CWF19L2: variants seen among roughly 807,000 people sequenced by gnomAD.
The protein encoded by CWF19L2 is CWF19 like cell cycle control factor 2.
CWF19L2 carries 98 observed loss-of-function variants against 111.7 expected under a neutral mutation model. That is an observed-to-expected ratio of 0.88 (90% CI 0.75 to 1.04). CWF19L2 has a LOEUF of 1.04. Among genes scored for constraint, CWF19L2 ranks in the 50% least tolerant of loss-of-function variants. The probability of loss-of-function intolerance (pLI) is 0.00; values close to 1 mark genes in which losing one functional copy is unlikely to be tolerated. For missense variants in CWF19L2, 1,101 were observed against 1,051.4 expected (o/e 1.05, Z -0.65); for synonymous variants, 351 against 342.9 (o/e 1.02, Z -0.26).
intron 12 of CWF19L2, among the ~76,000 whole-genome samples, chr11:107,362,236 A>T (rs1860360340): frequency 6.6e-6 from 1 of 151,992 alleles, no homozygotes; most frequent in Non-Finnish European, 1.5e-5. Flanking sequence ...GGCGGCAGCG[A>T]GGCAGGGGGA....
intron 1 of CWF19L2, 107 bp downstream of exon 1, chr11:107,457,605 T>G: frequency 2.7e-6 from 2 of 753,326 alleles, no homozygotes; most frequent in Non-Finnish European, 4.4e-6. Flanking sequence ...CAAATTAAGG[T>G]GAGATTCAGT....
chr11:107,421,694 G>C (rs80135531), intron 8 of CWF19L2, among the ~76,000 whole-genome samples: 1 of 152,062 alleles, frequency 6.6e-6, no homozygotes, highest in Admixed American at 6.6e-5. Flanking sequence ...AAATTTACAA[G>C]ACTGACCATT....
intron 3 of CWF19L2, among the ~76,000 whole-genome samples, chr11:107,451,574 T>C (rs759512526): frequency 2.0e-5 from 3 of 151,614 alleles, no homozygotes; most frequent in Non-Finnish European, 4.4e-5. Flanking sequence ...AAACAGAAAA[T>C]AGAAATTACC....
chr11:107,423,246 T>C (rs140139027), intron 8 of CWF19L2, among the ~76,000 whole-genome samples: 8 of 152,136 alleles, frequency 5.3e-5, no homozygotes, highest in Non-Finnish European at 1.0e-4. Context: ...CATATCTCTC[T>C]TTTACTTACT....
At chr11:107,411,521 A>G (rs577752827) in intron 10 of CWF19L2, among the ~76,000 whole-genome samples, 15 of 152,294 alleles carry the variant, frequency 9.8e-5, no homozygotes, top group East Asian at 9.6e-4. Context: ...TACAAAACTA[A>G]TAACAGCTTA....
Position 107,428,817 on chromosome 11 carries a change from G to A in CWF19L2, c.1415C>T (p.Thr472Ile). Residue 472 changes from threonine (T) to isoleucine (I), a missense_variant, in exon 8 of 18, where the codon ACA becomes ATA. Transcript: ENST00000282251. ...AAAATACCCAGCAAATGTAGACTTT[G>A]TATCCCGTAGATGTTCTTTTTTTGG... ...DPPKKEHLRDTKSTFAGSPER... is the reference protein window; with the variant it reads ...DPPKKEHLRDIKSTFAGSPER... 1 of 1,608,092 alleles carries A rather than the reference G, an allele frequency of 6.2e-7. No homozygotes were observed.
chr11:107,332,471 G>C (rs1008047111), intron 16 of CWF19L2, among the ~76,000 whole-genome samples: 1 of 149,146 alleles, frequency 6.7e-6, no homozygotes, highest in Non-Finnish European at 1.5e-5. Flanking sequence ...ATACAGCAAA[G>C]AAAAACATAA....
intron 10 of CWF19L2, among the ~76,000 whole-genome samples, chr11:107,408,166 A>T (rs1861107588): frequency 6.6e-6 from 1 of 152,032 alleles, no homozygotes; most frequent in South Asian, 2.1e-4. Flanking sequence ...CCTTTGAAGG[A>T]CCGTCAAAGG....
chr11:107,333,421 A>C (rs1043464253), intron 16 of CWF19L2, among the ~76,000 whole-genome samples: 2 of 152,180 alleles, frequency 1.3e-5, no homozygotes, highest in Non-Finnish European at 2.9e-5. Flanking sequence ...GGGACTAATA[A>C]ATCAAATTTT....
intron 10 of CWF19L2, among the ~76,000 whole-genome samples, chr11:107,406,568 C>A (rs1861080649): frequency 1.3e-5 from 2 of 152,132 alleles, no homozygotes; most frequent in African/African-American, 4.8e-5. Flanking sequence ...AAGGAGACAT[C>A]TTTTTCTAAC....
chr11:107,329,099 T>C (rs2134516122), intron 17 of CWF19L2, among the ~76,000 whole-genome samples: 1 of 152,254 alleles, frequency 6.6e-6, no homozygotes, highest in South Asian at 2.1e-4. Flanking sequence ...GCCCCTCTTT[T>C]TCAGAGGGCC....
chr11:107,354,188 C>G (rs183158164), intron 12 of CWF19L2, among the ~76,000 whole-genome samples: 2 of 151,508 alleles, frequency 1.3e-5, no homozygotes, highest in East Asian at 1.9e-4. Context: ...TTTCAAAATA[C>G]AAAAACACAA....
At chr11:107,441,465 T>C in intron 5 of CWF19L2, 38 bp downstream of exon 5, 2 of 1,463,474 alleles carry the variant, frequency 1.4e-6, no homozygotes, top group Non-Finnish European at 1.8e-6. Flanking sequence ...TTATTAAAGG[T>C]AAATTAGAAA....
At chr11:107,439,056 A>AAAAAT in intron 6 of CWF19L2, 34 bp downstream of exon 6, 1 of 978,980 alleles carries the variant, frequency 1.0e-6, no homozygotes. Flanking sequence ...AAAAAAAAAA[A>AAAAAT]CCCTGTGTGT....
At chr11:107,394,410 C>A (rs985304704) in intron 10 of CWF19L2, among the ~76,000 whole-genome samples, 2 of 152,140 alleles carry the variant, frequency 1.3e-5, no homozygotes, top group African/African-American at 4.8e-5. Context: ...TAAAGCTGGT[C>A]TCCCTAAGGA....
chr11:107,350,150 A>G (rs1860136695), intron 13 of CWF19L2, among the ~76,000 whole-genome samples: 2 of 152,188 alleles, frequency 1.3e-5, no homozygotes, highest in African/African-American at 4.8e-5. Flanking sequence ...AACACACAAA[A>G]AAGCAATACT....
intron 6 of CWF19L2, 97 bp from the exon 7 acceptor site, chr11:107,433,846 A>G: frequency 8.6e-6 from 2 of 233,840 alleles, no homozygotes; most frequent in Non-Finnish European, 1.6e-5. Context: ...AAAAATAAAT[A>G]TTTTTCTTTA....
intron 12 of CWF19L2, among the ~76,000 whole-genome samples, chr11:107,358,087 T>C (rs904272984): frequency 2.6e-5 from 4 of 152,176 alleles, no homozygotes; most frequent in Non-Finnish European, 5.9e-5. Context: ...AATAGACAGA[T>C]AATAACAAGT....
chr11:107,433,303 T>C (rs1045292754), intron 7 of CWF19L2, among the ~76,000 whole-genome samples: 4 of 152,128 alleles, frequency 2.6e-5, no homozygotes, highest in African/African-American at 9.6e-5. Flanking sequence ...AGAATATACC[T>C]AACTCTGGAA....
Sources: allele counts gnomAD v4.1 joint callset (sites outside exome capture counted in the v4.1 genomes callset), GRCh38; gene constraint gnomAD v4.1.1; transcripts MANE v1.5; gene names NCBI Gene and HGNC (gene_info 2026-07-23, HGNC 2026-07-21).